Variants in PCBD2 observed in about 807,000 individuals in gnomAD.
PCBD2 encodes the protein pterin-4 alpha-carbinolamine dehydratase 2.
A neutral mutation model predicts 16.4 loss-of-function variants in PCBD2; 12 were observed. That is an observed-to-expected ratio of 0.73 (90% CI 0.47 to 1.19). The LOEUF is 1.19. Ranked by LOEUF, PCBD2 falls within the 50% of genes most tolerant of loss-of-function variation. PCBD2 has a pLI of 0.00. For synonymous variants in PCBD2, 58 were observed against 61.8 expected (o/e 0.94, Z 0.29); for missense variants, 138 against 156.8 (o/e 0.88, Z 0.64).
intron 2 of PCBD2, among the ~76,000 whole-genome samples, chr5:134,943,871 A>G (rs1217676167): frequency 1.3e-5 from 2 of 152,180 alleles, no homozygotes; most frequent in South Asian, 2.1e-4. Context: ...AATTATATAT[A>G]TTTGCCTGGG....
chr5:134,938,399 A>C (rs1046451609), intron 2 of PCBD2, among the ~76,000 whole-genome samples: 2 of 152,196 alleles, frequency 1.3e-5, no homozygotes, highest in Non-Finnish European at 2.9e-5. Flanking sequence ...TCTCTGAATG[A>C]CCATTTTTTG....
At chr5:134,916,208 T>A (rs906901150) in intron 2 of PCBD2, among the ~76,000 whole-genome samples, 1 of 152,156 alleles carries the variant, frequency 6.6e-6, no homozygotes, top group Non-Finnish European at 1.5e-5. Flanking sequence ...GAGAATCATT[T>A]GAACCCAGGA....
At chr5:134,943,785 A>T (rs1490440996) in intron 2 of PCBD2, among the ~76,000 whole-genome samples, 2 of 152,172 alleles carry the variant, frequency 1.3e-5, no homozygotes, top group African/African-American at 4.8e-5. Flanking sequence ...GTACTGTCTC[A>T]TCCACTTGTG....
chr5:134,911,391 G>C (rs896174748), intron 2 of PCBD2, among the ~76,000 whole-genome samples: 2 of 152,190 alleles, frequency 1.3e-5, no homozygotes, highest in Non-Finnish European at 2.9e-5. Context: ...CATCTCCCAT[G>C]ACTTAACCTT....
chr5:134,927,984 G>T (rs1213489358), intron 2 of PCBD2: 1 of 396,398 alleles, frequency 2.5e-6, no homozygotes, highest in South Asian at 1.3e-4. Flanking sequence ...GTGTTTTTTG[G>T]AGAGTCATGT....
chr5:134,912,373 C>T lies in PCBD2; in HGVS notation c.216+1907C>T, dbSNP rs146140363. 5.0e-4 allele frequency among the ~76,000 whole-genome samples: 76 copies of T among 152,292 alleles called. 1 individual carries two copies. The East Asian group carries it at 8.9e-3, about 18-fold the overall frequency. On this transcript the variant is annotated intron_variant, in intron 2 of 3. Coordinates refer to ENST00000254908, the MANE Select transcript of PCBD2 (RefSeq NM_032151.5). ...CCCTCCAGCGAAACACAACTAGGAA[C>T]ACACCTACAGTCGAACAAGTTGAGC...
At chr5:134,924,472 A>G (rs1286790935) in intron 2 of PCBD2, 1 of 397,202 alleles carries the variant, frequency 2.5e-6, no homozygotes. Flanking sequence ...GTTGTGGTAA[A>G]TTTTAATAGT....
At chr5:134,936,326 A>G (rs1751158429) in intron 2 of PCBD2, among the ~76,000 whole-genome samples, 1 of 152,008 alleles carries the variant, frequency 6.6e-6, no homozygotes, top group Non-Finnish European at 1.5e-5. Context: ...AGCCTTCTGG[A>G]TTGTTTTACC....
chr5:134,948,015 C>T (rs1054855762), intron 2 of PCBD2, among the ~76,000 whole-genome samples: 1 of 152,080 alleles, frequency 6.6e-6, no homozygotes, highest in Non-Finnish European at 1.5e-5. Context: ...ATGAACAGCC[C>T]CAGTGAATTG....
At chr5:134,926,726 C>T (rs905142303) in intron 2 of PCBD2, 2 of 397,188 alleles carry the variant, frequency 5.0e-6, no homozygotes, top group African/African-American at 4.1e-5. Flanking sequence ...GGTGTATGAA[C>T]ATGAGAGTGT....
intron 2 of PCBD2, among the ~76,000 whole-genome samples, chr5:134,953,542 C>T (rs865855240): frequency 6.6e-6 from 1 of 152,092 alleles, no homozygotes; most frequent in Non-Finnish European, 1.5e-5. Context: ...CACCTGTAAT[C>T]GCGGCACTTT....
At chr5:134,945,729 G>A (rs996245397) in intron 2 of PCBD2, among the ~76,000 whole-genome samples, 4 of 152,174 alleles carry the variant, frequency 2.6e-5, no homozygotes, top group African/African-American at 4.8e-5. Context: ...ATTACTTTAT[G>A]TATGATTCCA....
At chr5:134,910,170 A>G (rs1246949659) in intron 1 of PCBD2, among the ~76,000 whole-genome samples, 165 bp from the exon 2 acceptor site, 3 of 152,260 alleles carry the variant, frequency 2.0e-5, no homozygotes, top group Non-Finnish European at 4.4e-5. Context: ...TATTTTGCAC[A>G]GAGCTAGCCT....
At chr5:134,946,461 A>C (rs1168240677) in intron 2 of PCBD2, among the ~76,000 whole-genome samples, 2 of 152,216 alleles carry the variant, frequency 1.3e-5, no homozygotes, top group Non-Finnish European at 2.9e-5. Flanking sequence ...TGGAGTTACC[A>C]GGAGCTAATA....
Position 134,920,659 on chromosome 5 carries a change from CT to C in PCBD2, c.216+10207del, listed in dbSNP as rs36005222. Reference sequence around the variant, plus strand: ...CTCTGCCAACAGGGCAGGATGGAGGCTTTTTTTTTTTTTTGAGACGGAGTCT... The same window carrying C: ...CTCTGCCAACAGGGCAGGATGGAGGCTTTTTTTTTTTTTGAGACGGAGTCT... On this transcript the variant is annotated intron_variant, in intron 2 of 3. Coordinates refer to ENST00000254908, the MANE Select transcript of PCBD2 (RefSeq NM_032151.5). Among the ~76,000 whole-genome samples the C allele has an allele frequency of 1.6e-3, 227 of 139,976 alleles. 1 individual carries two copies. The highest frequency in any genetic ancestry group is 0.011 in the South Asian group (48 of 4,374). 91.8% of individuals were successfully genotyped at this position (139,976 alleles called of 152,430 possible).
intron 2 of PCBD2, among the ~76,000 whole-genome samples, chr5:134,915,188 G>T (rs1363986392): frequency 2.6e-5 from 4 of 151,746 alleles, no homozygotes; most frequent in African/African-American, 2.4e-5. Flanking sequence ...GGTGGCGTGC[G>T]CCTGTAATCC....
chr5:134,919,167 C>G (rs546159122), intron 2 of PCBD2, among the ~76,000 whole-genome samples: 1 of 152,248 alleles, frequency 6.6e-6, no homozygotes, highest in Admixed American at 6.5e-5. Context: ...GTCAAGCAGC[C>G]AAGAAGTATA....
rs745576186 is a variant in PCBD2 at position 134,961,981 on chromosome 5, G to A, written c.*1300G>A. Among the ~76,000 whole-genome samples the A allele has an allele frequency of 6.6e-6, 1 of 151,950 alleles. No individual in the cohort carries two copies. Among genetic ancestry groups the A allele is most frequent in the Non-Finnish European group, 1.5e-5 (1 of 67,982 alleles). On this transcript the variant is annotated 3_prime_UTR_variant, in exon 4 of 4. Coordinates refer to ENST00000254908, the MANE Select transcript of PCBD2 (RefSeq NM_032151.5). ...CTCCCATCTTGCCCAGGCTGGCCTT[G>A]AACTCTTGGGCTCAAGCAAGCCTCC...
intron 2 of PCBD2, chr5:134,923,593 C>T (rs79903328): frequency 2.6e-5 from 9 of 342,776 alleles, no homozygotes; most frequent in South Asian, 1.4e-4. Flanking sequence ...ATGTATGGGA[C>T]GGCGGATAGC....
Sources: allele counts gnomAD v4.1 joint callset (sites outside exome capture counted in the v4.1 genomes callset), GRCh38; gene constraint gnomAD v4.1.1; transcripts MANE v1.5; gene names NCBI Gene and HGNC (gene_info 2026-07-23, HGNC 2026-07-21).